MOCS1: variants seen among roughly 807,000 people sequenced by gnomAD.
MOCS1 encodes the protein molybdenum cofactor biosynthesis protein 1.
MOCS1 carries 39 observed loss-of-function variants against 57.6 expected under a neutral mutation model. The observed-to-expected ratio is 0.68, with a 90% CI of 0.52 to 0.88. MOCS1 has a LOEUF of 0.88. MOCS1 is among the 40% of genes least tolerant of loss of function. The pLI is 0.00. For missense variants in MOCS1, 795 were observed against 831.1 expected (o/e 0.96, Z 0.53); for synonymous variants, 334 against 335.7 (o/e 1.00, Z 0.05).
rs748469120 is a variant in MOCS1 at position 39,925,731 on chromosome 6, A to C, written c.365T>G (p.Ile122Ser). ...AAGCGGCTCTCCACCTGTGAGCCGG[A>C]TCTTGTCGATGCCTTCCTTCACAAA... ...RLFVKEGIDK[I>S]RLTGGEPLIR... The change falls in exon 3 of 11, where the codon ATC (isoleucine) becomes AGC (serine). Residue 122 changes from isoleucine to serine, a missense_variant. This residue lies in a region of MOCS1 where 416 missense variants were observed against 392.4 expected (regional missense o/e 1.06). Transcript: ENST00000340692. The C allele has an allele frequency of 3.7e-6, 6 of 1,612,804 alleles. No homozygotes were observed. In the South Asian group the frequency reaches 6.6e-5, roughly 18 times the overall value.
chr6:39,925,038 C>A (rs1768197504), intron 3 of MOCS1, among the ~76,000 whole-genome samples: 1 of 152,140 alleles, frequency 6.6e-6, no homozygotes, highest in Non-Finnish European at 1.5e-5. Context: ...CGAGATCCTG[C>A]CACTGCACTC....
chr6:39,916,033 T>C, intron 4 of MOCS1, 35 bp downstream of exon 4: 1 of 1,573,766 alleles, frequency 6.4e-7, no homozygotes, highest in Non-Finnish European at 8.6e-7. Context: ...GTGCAGGCCC[T>C]GGGAGGGACA....
rs761098640 is a variant in MOCS1, at chr6:39,927,420, A to G, written c.159T>C (p.His53=). 4 of 1,612,430 alleles carry G rather than the reference A, an allele frequency of 2.5e-6. No homozygotes were observed. The Admixed American group carries it at 5.0e-5, about 20-fold the overall frequency. ...TGAGGAAGGCGGAGAAGGGGGCCGC[A>G]TGCTCCCGCAGGAACTGCCTCCGCC... ...VSRRRQFLRE[H]AAPFSAFLTD... is the part of the protein sequence containing the mutation. The change falls in exon 2 of 11, where the codon CAT becomes CAC. Residue 53 remains histidine, a synonymous_variant. Coordinates refer to ENST00000340692, the MANE Select transcript of MOCS1 (RefSeq NM_001358530.2).
At position 39,912,264 on chromosome 6, in the gene MOCS1, C is replaced by T; in HGVS notation, c.981G>A (p.Lys327=). 6.2e-7 allele frequency: 1 copy of T among 1,609,860 alleles called. No individual in the cohort carries two copies. The highest frequency in any genetic ancestry group is 1.3e-5 in the African/African-American group (1 of 74,892). ...RLRITADGNL[K]VCLFGNSEVS... ...TCCCTGTGGAGGAGGGGATGCTCAC[C>T]TTGAGGTTCCCATCAGCTGTGATTC... The change falls in exon 8 of 11, where the codon AAG becomes AAA. Residue 327 remains lysine (K), a splice_region_variant and synonymous_variant. Coordinates refer to ENST00000340692, the MANE Select transcript of MOCS1 (RefSeq NM_001358530.2).
rs540675192 is a variant in MOCS1 at position 39,923,792 on chromosome 6, C to G, written c.418+1886G>C. Among the ~76,000 whole-genome samples, 442 of 152,354 alleles carry G rather than the reference C, an allele frequency of 2.9e-3. 1 individual carries two copies. The highest frequency in any genetic ancestry group is 0.01 in the African/African-American group (422 of 41,588). On this transcript the variant is annotated intron_variant, in intron 3 of 10. Coordinates refer to ENST00000340692, the MANE Select transcript of MOCS1 (RefSeq NM_001358530.2). ...GGGAGAAGAGGGCTGTCAGGGGGAC[C>G]TGGGCCCCTCCTTGGGACTCTCACA...
At chr6:39,925,655 G>A (rs754710374) in intron 3 of MOCS1, 23 bp downstream of exon 3, 2 of 1,612,678 alleles carry the variant, frequency 1.2e-6, no homozygotes, top group Admixed American at 3.3e-5. Context: ...GGGAGAAGTG[G>A]CGATGACTTT....
Position 39,906,137 on chromosome 6 carries a change from G to A in MOCS1, c.*220C>T. On this transcript the variant is annotated 3_prime_UTR_variant, in exon 11 of 11. Transcript: ENST00000340692. The stretch of plus-strand genomic sequence containing the variant: ...GACCTTAGTGTCCTGGAAGGCTTAA[G>A]GGCCTGCTGGTATCCTCCCTATAGA... The A allele has an allele frequency of 2.9e-6, 2 of 697,692 alleles. No homozygotes were observed. Among genetic ancestry groups the A allele is most frequent in the Non-Finnish European group, 5.2e-6 (2 of 385,948 alleles). The allele number at this position is 697,692 out of a possible 1,614,324, so 43.2% of individuals were successfully genotyped here.
intron 10 of MOCS1, among the ~76,000 whole-genome samples, chr6:39,908,522 T>C (rs1445217232): frequency 1.3e-5 from 2 of 152,146 alleles, no homozygotes; most frequent in Non-Finnish European, 2.9e-5. Flanking sequence ...GTTAAGGAAT[T>C]GGGAAGTTGA....
intron 3 of MOCS1, among the ~76,000 whole-genome samples, chr6:39,919,426 G>T (rs1209318519): frequency 6.6e-6 from 1 of 151,936 alleles, no homozygotes; most frequent in Non-Finnish European, 1.5e-5. Context: ...AGGCAAAGGT[G>T]GCAGTGAGCC....
In MOCS1 at chr6:39,906,165, G is replaced by T; in HGVS notation, c.*192C>A. Reference sequence around the variant, plus strand: ...CCTGCTGGTATCCTCCCTATAGAAAGGAAGCCCCATTGGTCATTAGAGATC... The same window carrying T: ...CCTGCTGGTATCCTCCCTATAGAAATGAAGCCCCATTGGTCATTAGAGATC... On this transcript the variant is annotated 3_prime_UTR_variant, in exon 11 of 11. Coordinates refer to ENST00000340692, the MANE Select transcript of MOCS1 (RefSeq NM_001358530.2). The T allele has an allele frequency of 1.3e-6, 1 of 769,294 alleles. No homozygotes were observed. The highest frequency in any genetic ancestry group is 3.6e-4 in the Middle Eastern group (1 of 2,790). The allele number at this position is 769,294 out of a possible 1,614,324, so 47.7% of individuals were successfully genotyped here.
intron 1 of MOCS1, among the ~76,000 whole-genome samples, chr6:39,931,728 T>C (rs1259775149): frequency 6.6e-6 from 1 of 152,084 alleles, no homozygotes; most frequent in African/African-American, 2.4e-5. Context: ...CCTTGCAGCC[T>C]AACCCCTAGC....
rs746063426 is a variant in MOCS1, at chr6:39,906,323, G to C, written c.*34C>G. On this transcript the variant is annotated 3_prime_UTR_variant, in exon 11 of 11. Coordinates refer to ENST00000340692, the MANE Select transcript of MOCS1 (RefSeq NM_001358530.2). ...CAGCCTACATTGCATCCCAGCTCCA[G>C]GCCTGGGTGGGCCATGGGTGAGAAG... 1 of 1,599,556 alleles carries C rather than the reference G, an allele frequency of 6.3e-7. No individual in the cohort carries two copies. Among genetic ancestry groups the C allele is most frequent in the African/African-American group, 1.3e-5 (1 of 74,668 alleles).
At position 39,913,314 on chromosome 6, in the gene MOCS1, G is replaced by C; in HGVS notation, c.757+3C>G. 6.2e-7 allele frequency: 1 copy of C among 1,612,964 alleles called. No homozygotes were observed. Among genetic ancestry groups the C allele is most frequent in the African/African-American group, 1.3e-5 (1 of 75,012 alleles). On this transcript the variant is annotated splice_donor_region_variant and intron_variant, in intron 6 of 10. Transcript: ENST00000340692. Reference sequence around the variant, plus strand: ...CTCCCTCAACCCATCCCTGGTCACTGACCATCAAAGGGCATATACTCTATG... The same window carrying C: ...CTCCCTCAACCCATCCCTGGTCACTCACCATCAAAGGGCATATACTCTATG...
chr6:39,910,054 A>G, intron 8 of MOCS1, 99 bp from the exon 9 acceptor site: 2 of 1,566,850 alleles, frequency 1.3e-6, no homozygotes, highest in Non-Finnish European at 8.7e-7. Context: ...CTCCGGGAGG[A>G]GCACCAGGGC....
In MOCS1 at chr6:39,916,202, G is replaced by T. The variant is rs765694958; in HGVS notation, c.449C>A (p.Thr150Asn). 3 of 1,613,854 alleles carry T rather than the reference G, an allele frequency of 1.9e-6. No homozygotes were observed. The Admixed American group carries it at 5.0e-5, about 27-fold the overall frequency. The change falls in exon 4 of 11, where the codon ACC (threonine) becomes AAC (asparagine). Residue 150 changes from threonine to asparagine, a missense_variant. This residue lies in a region of MOCS1 where 416 missense variants were observed against 392.4 expected (regional missense o/e 1.06). Coordinates refer to ENST00000340692, the MANE Select transcript of MOCS1 (RefSeq NM_001358530.2). The stretch of plus-strand genomic sequence containing the variant: ...GATGCCATTGGTGGTAACACCTATG[G>T]TTCTCAGCCCTTCCAGCCGCTGGAG... ...AQLQRLEGLR[T>N]IGVTTNGINL...
intron 1 of MOCS1, among the ~76,000 whole-genome samples, chr6:39,929,172 C>T (rs1463871320): frequency 1.3e-5 from 2 of 152,196 alleles, no homozygotes; most frequent in Non-Finnish European, 2.9e-5. Flanking sequence ...CCCACCTCCT[C>T]TGAGAAGCCC....
chr6:39,913,170 C>T (rs559662886), intron 6 of MOCS1, 147 bp downstream of exon 6: 3 of 879,358 alleles, frequency 3.4e-6, no homozygotes, highest in South Asian at 2.7e-5. Flanking sequence ...ATCACATCCA[C>T]AGCGGGCTCC....
chr6:39,912,767 T>G (rs1202875360), intron 7 of MOCS1, 125 bp downstream of exon 7: 5 of 822,370 alleles, frequency 6.1e-6, no homozygotes, highest in Admixed American at 1.7e-5. Flanking sequence ...TGATGCTTCC[T>G]GCTTAAATGG....
At chr6:39,909,777 C>A in intron 9 of MOCS1, 58 bp downstream of exon 9, 1 of 1,605,176 alleles carries the variant, frequency 6.2e-7, no homozygotes, top group Non-Finnish European at 8.5e-7. Flanking sequence ...TCCACACCTC[C>A]CTCCCAGGGA....
Sources: gnomAD v4.1 joint callset for allele counts (sites outside exome capture counted in the v4.1 genomes callset) on GRCh38, gnomAD v4.1.1 for gene constraint, gnomAD v4.1.1 regional missense constraint, MANE v1.5 for transcripts, NCBI Gene and HGNC (gene_info 2026-07-23, HGNC 2026-07-21) for gene names.